The following MMP26 variants were observed in gnomAD, a reference collection of about 807,000 sequenced individuals.
MMP26 encodes matrix metallopeptidase 26, also known as matrix metalloproteinase-26.
In MMP26, 33 loss-of-function variants were observed where a neutral mutation model predicts 31.0. That is an observed-to-expected ratio of 1.06 (90% CI 0.81 to 1.42). The LOEUF is 1.42. Ranked by LOEUF, MMP26 falls within the 40% of genes most tolerant of loss-of-function variation. The pLI is 0.00. For missense variants in MMP26, 347 were observed against 316.1 expected (o/e 1.10, Z -0.74); for synonymous variants, 122 against 114.9 (o/e 1.06, Z -0.40).
At chr11:4,732,271 A>G (rs1848183362) in intron 1 of MMP26, among the ~76,000 whole-genome samples, 1 of 152,120 alleles carries the variant, frequency 6.6e-6, no homozygotes, top group Middle Eastern at 3.2e-3. Context: ...ATCTTTATGG[A>G]TCACTGATTA....
intron 1 of MMP26, among the ~76,000 whole-genome samples, chr11:4,706,797 T>G: frequency 6.6e-6 from 1 of 152,160 alleles, no homozygotes; most frequent in Admixed American, 6.5e-5. Context: ...TCTGTTGCAA[T>G]CACCATTCTA....
chr11:4,821,810 A>G, intron 2 of MMP26: 1 of 1,612,796 alleles, frequency 6.2e-7, no homozygotes, highest in Non-Finnish European at 8.5e-7. Context: ...GCCATCTGTT[A>G]CCCACTGAGA....
At position 4,842,175 on chromosome 11, in the gene MMP26, A is replaced by G. The variant is rs1182899103; in HGVS notation, c.-145+74834A>G. Among the ~76,000 whole-genome samples, 14 of 152,342 alleles carry G rather than the reference A, an allele frequency of 9.2e-5. No homozygotes were observed. In the East Asian group the frequency reaches 2.5e-3, roughly 27 times the overall value. ...ACAGCACAATAAGGTATAAACAGAA[A>G]AAAATATTAAAATGCAGCAGAAACA... On this transcript the variant is annotated intron_variant, in intron 2 of 7. Coordinates refer to ENST00000380390, the MANE Select transcript of MMP26 (RefSeq NM_021801.5).
At chr11:4,864,604 T>A in intron 2 of MMP26, among the ~76,000 whole-genome samples, 1 of 152,202 alleles carries the variant, frequency 6.6e-6, no homozygotes, top group South Asian at 2.1e-4. Flanking sequence ...GCTATAAACA[T>A]TAAAAGCTAG....
At chr11:4,902,229 T>C (rs1467590767) in intron 2 of MMP26, among the ~76,000 whole-genome samples, 1 of 152,216 alleles carries the variant, frequency 6.6e-6, no homozygotes, top group Non-Finnish European at 1.5e-5. Flanking sequence ...TGCTACAGCA[T>C]GTCAGGGACC....
At chr11:4,858,053 C>G (rs562605640) in intron 2 of MMP26, among the ~76,000 whole-genome samples, 2 of 152,176 alleles carry the variant, frequency 1.3e-5, no homozygotes, top group East Asian at 3.9e-4. Flanking sequence ...TCTCAATAAA[C>G]TAGGTGTCGA....
chr11:4,819,755 GT>G lies in MMP26; in HGVS notation c.-145+52419del, dbSNP rs375974647. On this transcript the variant is annotated intron_variant, in intron 2 of 7. Transcript: ENST00000380390. The stretch of plus-strand genomic sequence containing the variant: ...CACCATGCCTGGCTAATTTGTAAAC[GT>G]TTTTGTAGAGATGGGGTTTCCCTAT... 8.6e-5 allele frequency among the ~76,000 whole-genome samples: 13 copies of G among 151,476 alleles called. No individual in the cohort carries two copies. In the East Asian group the frequency reaches 1.4e-3, roughly 16 times the overall value.
chr11:4,752,026 A>G (rs1282147063), intron 1 of MMP26: 2 of 152,176 alleles, frequency 1.3e-5, no homozygotes, highest in African/African-American at 4.8e-5. Context: ...TAGGAGTAGT[A>G]CATGTTAAAT....
In MMP26 at chr11:4,989,032, G is replaced by T. The variant is rs146005458; in HGVS notation, c.100-616G>T. ...TCAAGCTGTATCAGACATGAGCATT[G>T]CCCTTAAAGTATTTTGAGTCCAGCT... On this transcript the variant is annotated intron_variant, in intron 3 of 7. Transcript: ENST00000380390. Among the ~76,000 whole-genome samples, 251 of 152,306 alleles carry T rather than the reference G, an allele frequency of 1.6e-3. 1 individual carries two copies. Among genetic ancestry groups the T allele is most frequent in the African/African-American group, 6.0e-3 (248 of 41,562 alleles).
In MMP26 at chr11:4,791,041, C is replaced by T. The variant is rs573031774; in HGVS notation, c.-145+23700C>T. Among the ~76,000 whole-genome samples the T allele has an allele frequency of 7.9e-5, 12 of 152,258 alleles. No individual in the cohort carries two copies. In the South Asian group the frequency reaches 1.5e-3, roughly 18 times the overall value. ...TATTCCAACATCCTGCTTGTTGTAT[C>T]GGTTATTCTCAATTGTCTCATCAAT... On this transcript the variant is annotated intron_variant, in intron 2 of 7. Coordinates refer to ENST00000380390, the MANE Select transcript of MMP26 (RefSeq NM_021801.5).
intron 2 of MMP26, among the ~76,000 whole-genome samples, chr11:4,952,092 G>A (rs1277748553): frequency 8.0e-6 from 1 of 124,244 alleles, no homozygotes; most frequent in African/African-American, 2.7e-5. Flanking sequence ...GTTTGCTGTT[G>A]TTTGCCATGT....
intron 2 of MMP26, among the ~76,000 whole-genome samples, chr11:4,772,011 A>T (rs1386836352): frequency 6.6e-6 from 1 of 152,168 alleles, no homozygotes; most frequent in African/African-American, 2.4e-5. Context: ...TCTTTGCTAG[A>T]TGAGGAAGGA....
intron 2 of MMP26, chr11:4,924,137 A>G (rs1851232223): frequency 1.2e-6 from 2 of 1,614,204 alleles, no homozygotes; most frequent in African/African-American, 1.3e-5. Context: ...TGTGACAGCT[A>G]GCATGCCCAA....
intron 2 of MMP26, among the ~76,000 whole-genome samples, chr11:4,984,489 C>A (rs916073944): frequency 2.6e-5 from 4 of 152,142 alleles, no homozygotes; most frequent in Non-Finnish European, 5.9e-5. Context: ...TAAGTATTCA[C>A]TCACTTCTGA....
At chr11:4,893,242 TAA>T (rs1850653972) in intron 2 of MMP26, among the ~76,000 whole-genome samples, 1 of 152,156 alleles carries the variant, frequency 6.6e-6, no homozygotes, top group Non-Finnish European at 1.5e-5. Context: ...AAAATAAAAA[TAA>T]GTTAATAAAT....
intron 2 of MMP26, chr11:4,849,045 C>T: frequency 1.2e-6 from 2 of 1,614,018 alleles, no homozygotes; most frequent in East Asian, 4.5e-5. Flanking sequence ...GGCAATGATC[C>T]AGAGGATGGT....
chr11:4,975,770 T>G (rs1424555757), intron 2 of MMP26, among the ~76,000 whole-genome samples: 1 of 152,006 alleles, frequency 6.6e-6, no homozygotes, highest in African/African-American at 2.4e-5. Flanking sequence ...GGTTCCTCTT[T>G]TGATTTCCTC....
intron 2 of MMP26, chr11:4,945,923 C>T: frequency 1.9e-6 from 1 of 515,974 alleles, no homozygotes; most frequent in Non-Finnish European, 3.5e-6. Context: ...TTGCTTGTAT[C>T]GGAGATGCTA....
chr11:4,904,676 C>G (rs1014615879), intron 2 of MMP26, among the ~76,000 whole-genome samples: 2 of 152,092 alleles, frequency 1.3e-5, no homozygotes, highest in Admixed American at 6.6e-5. Flanking sequence ...CATCCAAATG[C>G]ATGCTCTGTG....
Sources: gnomAD v4.1 joint callset for allele counts (sites outside exome capture counted in the v4.1 genomes callset) on GRCh38, gnomAD v4.1.1 for gene constraint, MANE v1.5 for transcripts, NCBI Gene and HGNC (gene_info 2026-07-23, HGNC 2026-07-21) for gene names.